The following OR4K1 variants were observed in gnomAD, a reference collection of about 807,000 sequenced individuals.
OR4K1 encodes the protein olfactory receptor 4K1.
In OR4K1, 16 loss-of-function variants were observed where a neutral mutation model predicts 14.4. The ratio of observed to expected loss-of-function variants is 1.11; its 90% CI spans 0.75 to 1.68. OR4K1 has a LOEUF of 1.68. Among genes scored for constraint, OR4K1 ranks in the 40% most tolerant of loss-of-function variants. OR4K1 has a pLI of 0.00. For missense variants in OR4K1, 548 were observed against 376.9 expected, an observed-to-expected ratio of 1.45 and a Z score of -3.76; for synonymous variants, 181 against 133.1, an observed-to-expected ratio of 1.36 and a Z score of -2.48.
intron 1 of OR4K1, among the ~76,000 whole-genome samples, chr14:19,934,127 G>A (rs1199336513): frequency 6.6e-6 from 1 of 152,214 alleles, no homozygotes; most frequent in Non-Finnish European, 1.5e-5. Context: ...TGAAGAACAT[G>A]GAGGGGTGCA....
upstream of OR4K1, among the ~76,000 whole-genome samples, chr14:19,929,629 C>A (rs1882142839): frequency 6.6e-6 from 1 of 152,118 alleles, no homozygotes; most frequent in South Asian, 2.1e-4. Context: ...TCATCCTGAG[C>A]AAAATGGAAT....
intron 1 of OR4K1, among the ~76,000 whole-genome samples, chr14:19,933,310 A>G (rs1882227534): frequency 6.6e-6 from 1 of 152,200 alleles, no homozygotes; most frequent in Non-Finnish European, 1.5e-5. Flanking sequence ...GGCTTTCCAC[A>G]ATGAGTCAAA....
upstream of OR4K1, among the ~76,000 whole-genome samples, chr14:19,929,359 CTGTGTGTGTGTGTGTGTGTGTGTGTG>C (rs59130422): frequency 6.9e-6 from 1 of 144,368 alleles, no homozygotes; most frequent in South Asian, 2.2e-4. Flanking sequence ...ATATCACACT[CTGTGTGTGTGTGTGTGTGTGTGTGTG>C]TGTGTGTGTG....
At chr14:19,921,292 C>CT in the OR4K1 span, 5 of 1,614,162 alleles carry the variant, frequency 3.1e-6, no homozygotes, top group Non-Finnish European at 4.2e-6. Context: ...TGGCTCAAGT[C>CT]TTCAGCTGCA....
At chr14:19,933,775 C>CGGGG (rs1412542848) in intron 1 of OR4K1, among the ~76,000 whole-genome samples, 1 of 152,108 alleles carries the variant, frequency 6.6e-6, no homozygotes, top group African/African-American at 2.4e-5. Context: ...TTAGTAGAGA[C>CGGGG]GGGGTTTCAC....
the OR4K1 span, chr14:19,920,708 G>A: frequency 6.2e-7 from 1 of 1,614,086 alleles, no homozygotes. Context: ...TCTCTGTGTT[G>A]TATACAGTCA....
At chr14:19,933,140 T>C (rs1247910702) in intron 1 of OR4K1, among the ~76,000 whole-genome samples, 3 of 151,902 alleles carry the variant, frequency 2.0e-5, no homozygotes, top group Non-Finnish European at 2.9e-5. Flanking sequence ...GTAATTATAA[T>C]GGTTCATTAT....
chr14:19,936,379 C>A lies in OR4K1; in HGVS notation c.713C>A (p.Ser238Tyr), dbSNP rs780060382. 3 of 1,614,230 alleles carry A rather than the reference C, an allele frequency of 1.9e-6. No homozygotes were observed. The highest frequency in any genetic ancestry group is 1.1e-5 in the South Asian group (1 of 91,084). ...TCCAGTGGGTCATCTAAGGCTCTTT[C>A]TACATTAACTGCCCACATCACAGTG... is the stretch of plus-strand genomic sequence containing the variant. ...RSSSGSSKAL[S>Y]TLTAHITVVI... is the part of the protein sequence containing the mutation. Residue 238 changes from serine to tyrosine, a missense_variant, in exon 2 of 2, where the codon TCT becomes TAT. Transcript: ENST00000641172.
rs1882336043 is a variant in OR4K1, at chr14:19,936,644, C to A, written c.*42C>A. On this transcript the variant is annotated 3_prime_UTR_variant, in exon 2 of 2. Coordinates refer to ENST00000641172, the MANE Select transcript of OR4K1 (RefSeq NM_001004063.3). ...GCATAATCCTGAATTAGAATGAAGA[C>A]CCTCCAGTGTATCATAGTGTCATGC... The A allele has an allele frequency of 6.6e-7, 1 of 1,513,492 alleles. No homozygotes were observed. Among genetic ancestry groups the A allele is most frequent in the Non-Finnish European group, 8.9e-7 (1 of 1,118,866 alleles). 93.8% of individuals were successfully genotyped at this position (1,513,492 alleles called of 1,614,324 possible). A position where few individuals can be genotyped will look rare whatever the true frequency, so the allele number is the denominator to read the frequency against.
Position 19,936,283 on chromosome 14 carries a change from T to TATCA in OR4K1, c.618_621dup (p.Leu208IlefsTer29). ...ATGACCCTAACGAACAGTGGCCTGA[T>TATCA]ATCATTGAGCTGTTTCCTGGCTTTA... is the stretch of plus-strand genomic sequence containing the variant. On this transcript the variant is annotated frameshift_variant, in exon 2 of 2. Coordinates refer to ENST00000641172, the MANE Select transcript of OR4K1 (RefSeq NM_001004063.3). LOFTEE classifies it high-confidence loss of function. The TATCA allele has an allele frequency of 1.2e-6, 2 of 1,614,250 alleles. No homozygotes were observed. Among genetic ancestry groups the TATCA allele is most frequent in the East Asian group, 4.5e-5 (2 of 44,890 alleles).
rs916774157 is a variant in OR4K1, at chr14:19,931,010, C to T, written c.-155C>T. 5 of 152,200 alleles carry T rather than the reference C, an allele frequency of 3.3e-5. No homozygotes were observed. The highest frequency in any genetic ancestry group is 1.2e-4 in the African/African-American group (5 of 41,422). 9.4% of individuals were successfully genotyped at this position (152,200 alleles called of 1,614,324 possible). A position where few individuals can be genotyped will look rare whatever the true frequency, so the allele number is the denominator to read the frequency against. On this transcript the variant is annotated 5_prime_UTR_variant, in exon 1 of 2. Transcript: ENST00000641172. ...TAGTGTAGGGAACCAAGTTAAAATG[C>T]ATCAAGTTAAGATTATATTACAAAT...
the OR4K1 span, among the ~76,000 whole-genome samples, chr14:19,922,110 T>TGAAAATTTAG: frequency 6.6e-6 from 1 of 151,974 alleles, no homozygotes; most frequent in East Asian, 1.9e-4. Context: ...CATACGGTTT[T>TGAAAATTTAG]CAAATAGCTA....
At chr14:19,935,567 T>C (rs1180600284) in intron 1 of OR4K1, 81 bp from the exon 2 acceptor site, 5 of 1,057,590 alleles carry the variant, frequency 4.7e-6, no homozygotes, top group Non-Finnish European at 5.5e-6. Flanking sequence ...TTGTTTAGAA[T>C]TGACTATATT....
At chr14:19,934,508 T>C (rs916833447) in intron 1 of OR4K1, among the ~76,000 whole-genome samples, 7 of 152,262 alleles carry the variant, frequency 4.6e-5, no homozygotes, top group Admixed American at 6.5e-5. Context: ...TTATTGTTAA[T>C]TGCTTTCTAT....
chr14:19,925,552 A>T, the OR4K1 span, among the ~76,000 whole-genome samples: 1 of 152,278 alleles, frequency 6.6e-6, no homozygotes, highest in African/African-American at 2.4e-5. Context: ...TATTTTAAAA[A>T]GTAAGAAGGG....
chr14:19,936,659 T>G lies in OR4K1; in HGVS notation c.*57T>G. The G allele has an allele frequency of 6.8e-7, 1 of 1,459,868 alleles. No individual in the cohort carries two copies. The highest frequency in any genetic ancestry group is 9.2e-7 in the Non-Finnish European group (1 of 1,083,916). 90.4% of individuals were successfully genotyped at this position (1,459,868 alleles called of 1,614,324 possible). On this transcript the variant is annotated 3_prime_UTR_variant, in exon 2 of 2. Coordinates refer to ENST00000641172, the MANE Select transcript of OR4K1 (RefSeq NM_001004063.3). Reference sequence around the variant, plus strand: ...AGAATGAAGACCCTCCAGTGTATCATAGTGTCATGCCAACCATCTTTGCCA... The same window carrying G: ...AGAATGAAGACCCTCCAGTGTATCAGAGTGTCATGCCAACCATCTTTGCCA...
chr14:19,929,265 A>G (rs1180590817), upstream of OR4K1, among the ~76,000 whole-genome samples: 1 of 148,940 alleles, frequency 6.7e-6, no homozygotes, highest in African/African-American at 2.4e-5. Context: ...ATATTTGGTT[A>G]TATTTCTGGA....
At chr14:19,924,979 A>T in the OR4K1 span, among the ~76,000 whole-genome samples, 1 of 152,200 alleles carries the variant, frequency 6.6e-6, no homozygotes, top group Non-Finnish European at 1.5e-5. Flanking sequence ...AATAAATAAA[A>T]AAATAAAGCA....
At chr14:19,924,001 A>G in the OR4K1 span, among the ~76,000 whole-genome samples, 2 of 152,360 alleles carry the variant, frequency 1.3e-5, no homozygotes, top group South Asian at 4.1e-4. Flanking sequence ...CATCTCATCA[A>G]ATATGTTAAT....
Sources: gnomAD v4.1 joint callset for allele counts (sites outside exome capture counted in the v4.1 genomes callset) on GRCh38, gnomAD v4.1.1 for gene constraint, MANE v1.5 for transcripts, NCBI Gene and HGNC (gene_info 2026-07-23, HGNC 2026-07-21) for gene names.